The following TCERG1 variants were observed in gnomAD, a reference collection of about 807,000 sequenced individuals.
TCERG1 encodes the protein TATA box binding protein (TBP)-associated factor, RNA polymerase II, S, 150kD.
A neutral mutation model predicts 144.7 loss-of-function variants in TCERG1; 37 were observed. The observed-to-expected ratio is 0.26, with a 90% CI of 0.20 to 0.34. The LOEUF (loss-of-function observed/expected upper bound fraction) is 0.34. Ranked by LOEUF, TCERG1 falls within the 10% of genes least tolerant of loss-of-function variation. TCERG1 has a pLI of 1.00. For missense variants in TCERG1, 1,027 were observed against 1,380.7 expected, an observed-to-expected ratio of 0.74 and a Z score of 4.06; for synonymous variants, 492 against 458.2, an observed-to-expected ratio of 1.07 and a Z score of -0.94.
At chr5:146,468,303 G>A in intron 5 of TCERG1, 38 bp from the exon 6 acceptor site, 1 of 1,480,146 alleles carries the variant, frequency 6.8e-7, no homozygotes, top group Non-Finnish European at 9.1e-7. Context: ...ACATACAATG[G>A]CAGCTTTCCA....
chr5:146,491,123 T>C (rs1766370485), intron 15 of TCERG1, among the ~76,000 whole-genome samples: 2 of 152,030 alleles, frequency 1.3e-5, no homozygotes, highest in Non-Finnish European at 2.9e-5. Context: ...ACTACTTAAG[T>C]GAAGCACTAA....
chr5:146,459,366 A>G (rs772720489), intron 4 of TCERG1, 29 bp downstream of exon 4: 6 of 1,602,658 alleles, frequency 3.7e-6, no homozygotes, highest in South Asian at 3.4e-5. Flanking sequence ...GTGTTTTTAT[A>G]TAGGGGCTAG....
At chr5:146,465,817 AG>A (rs1032996085) in intron 5 of TCERG1, among the ~76,000 whole-genome samples, 10 of 152,084 alleles carry the variant, frequency 6.6e-5, no homozygotes, top group African/African-American at 2.4e-4. Context: ...GGATCAGCTG[AG>A]GTCAGGAGTT....
In TCERG1 at chr5:146,481,184, C is replaced by T. The variant is rs1263590634; in HGVS notation, c.1921C>T (p.Arg641Ter). 9.1e-6 allele frequency: 9 copies of T among 985,024 alleles called. No homozygotes were observed. Among genetic ancestry groups the T allele is most frequent in the African/African-American group, 1.7e-5 (1 of 57,182 alleles). 61.0% of individuals were successfully genotyped at this position (985,024 alleles called of 1,614,324 possible). A position where few individuals can be genotyped will look rare whatever the true frequency, so the allele number is the denominator to read the frequency against. ...AAAGAAGTCCTTTATGTGGATTGCC[C>T]GAGCTTCTCTATTTAGGTACAAAGC... is the stretch of plus-strand genomic sequence containing the variant. The part of the protein sequence containing the change: ...MSKKSFMWIA[R>*]ASLFRRDDNK... Residue 641 changes from arginine (R) to a stop codon, truncating the protein, a stop_gained, in exon 13 of 23, where the codon CGA (arginine) becomes TGA (stop). Transcript: ENST00000679501. LOFTEE classifies it high-confidence loss of function.
chr5:146,510,420 G>T (rs751253300), intron 22 of TCERG1, 21 bp from the exon 23 acceptor site: 8 of 1,582,834 alleles, frequency 5.1e-6, no homozygotes, highest in Non-Finnish European at 6.9e-6. Context: ...GTAATTCTTG[G>T]ACTTCTTTTT....
In TCERG1 at chr5:146,455,079, G is replaced by A; in HGVS notation, c.83G>A (p.Arg28Lys). 1 of 1,614,220 alleles carries A rather than the reference G, an allele frequency of 6.2e-7. No individual in the cohort carries two copies. Among genetic ancestry groups the A allele is most frequent in the Non-Finnish European group, 8.5e-7 (1 of 1,180,036 alleles). ...AGGATGGCCCAACAGCAGGCCTTGAGGTTCCGAGGTCCGGCTCCCCCACCA... is the reference window on the plus strand; with the variant it reads ...AGGATGGCCCAACAGCAGGCCTTGAAGTTCCGAGGTCCGGCTCCCCCACCA... Reference protein sequence around the residue: ...ELRMAQQQALRFRGPAPPPNA... With the variant: ...ELRMAQQQALKFRGPAPPPNA... Residue 28 changes from arginine to lysine, a missense_variant, in exon 2 of 23, where the codon AGG becomes AAG. Arg to Lys is a conservative substitution (Grantham distance 26, BLOSUM62 2). This residue lies in a region of TCERG1 where 175 missense variants were observed against 197.0 expected (regional missense o/e 0.89). Transcript: ENST00000679501.
chr5:146,492,225 A>G (rs1766496432), intron 15 of TCERG1, among the ~76,000 whole-genome samples: 1 of 151,942 alleles, frequency 6.6e-6, no homozygotes, highest in Non-Finnish European at 1.5e-5. Flanking sequence ...GTTTGAGGAG[A>G]TTCTGGTTTC....
At position 146,455,155 on chromosome 5, in the gene TCERG1, T is replaced by C; in HGVS notation, c.159T>C (p.Phe53=). ...CTCTGATGCGACCTCCTCCACCTTT[T>C]GGTATGATGCGAGGCCCTCCTCCAC... The part of the protein sequence containing the change: ...PPPLMRPPPP[F]GMMRGPPPPP... The change falls in exon 2 of 23, where the codon TTT becomes TTC. Residue 53 remains phenylalanine (F), a synonymous_variant. Coordinates refer to ENST00000679501, the MANE Select transcript of TCERG1 (RefSeq NM_001382548.1). 2 of 1,614,212 alleles carry C rather than the reference T, an allele frequency of 1.2e-6. No individual in the cohort carries two copies. The highest frequency in any genetic ancestry group is 1.7e-6 in the Non-Finnish European group (2 of 1,180,026).
At chr5:146,453,940 A>G (rs1296972184) in intron 1 of TCERG1, among the ~76,000 whole-genome samples, 3 of 151,564 alleles carry the variant, frequency 2.0e-5, no homozygotes, top group Non-Finnish European at 1.5e-5. Context: ...GCTCATGCCT[A>G]TAATCCTAGC....
At chr5:146,477,779 C>T (rs1468214737) in intron 9 of TCERG1, among the ~76,000 whole-genome samples, 3 of 148,132 alleles carry the variant, frequency 2.0e-5, no homozygotes, top group Admixed American at 1.4e-4. Flanking sequence ...CTTACTGCAG[C>T]CTTGACCTCC....
chr5:146,457,451 G>A (rs1762922854), intron 3 of TCERG1, 116 bp downstream of exon 3: 4 of 1,045,618 alleles, frequency 3.8e-6, no homozygotes, highest in Non-Finnish European at 5.4e-6. Flanking sequence ...TGGGTGAGCA[G>A]GGAATGGGGT....
intron 1 of TCERG1, 108 bp from the exon 2 acceptor site, chr5:146,454,948 C>G (rs1762699508): frequency 1.7e-6 from 2 of 1,205,826 alleles, no homozygotes; most frequent in Admixed American, 2.4e-5. Context: ...CTTTCCAACT[C>G]CACTTAGACT....
At chr5:146,459,930 G>GT (rs1356056026) in intron 4 of TCERG1, among the ~76,000 whole-genome samples, 1 of 151,912 alleles carries the variant, frequency 6.6e-6, no homozygotes, top group Non-Finnish European at 1.5e-5. Context: ...GTGAGAGGGT[G>GT]TTTTTTTTGA....
At chr5:146,498,097 C>CT (rs1158140277) in intron 16 of TCERG1, among the ~76,000 whole-genome samples, 1 of 152,122 alleles carries the variant, frequency 6.6e-6, no homozygotes, top group Non-Finnish European at 1.5e-5. Context: ...CAGTCTTACT[C>CT]TTTCTGTTGT....
rs1768412417 is a variant in TCERG1, at chr5:146,510,934, C to T, written c.*292C>T. ...TGGAAGTCAGTGACTTGGTGACGTT[C>T]TTCCTAGCAGTGTTAATACATGCAA... On this transcript the variant is annotated 3_prime_UTR_variant, in exon 23 of 23. Coordinates refer to ENST00000679501, the MANE Select transcript of TCERG1 (RefSeq NM_001382548.1). The T allele has an allele frequency of 4.4e-6, 1 of 224,860 alleles. No homozygotes were observed. The highest frequency in any genetic ancestry group is 8.7e-6 in the Non-Finnish European group (1 of 115,472). 13.9% of individuals were successfully genotyped at this position (224,860 alleles called of 1,614,324 possible). A position where few individuals can be genotyped will look rare whatever the true frequency, so the allele number is the denominator to read the frequency against.
At position 146,482,576 on chromosome 5, in the gene TCERG1, A is replaced by C. The variant is rs779703246; in HGVS notation, c.1938-16A>C. ...AATATTTTGTCAGTTGATGTCTTAT[A>C]TTTTATTTTTTATAGGAGAGACGAT... On this transcript the variant is annotated splice_polypyrimidine_tract_variant and intron_variant, in intron 13 of 22. Transcript: ENST00000679501. 1 of 1,589,188 alleles carries C rather than the reference A, an allele frequency of 6.3e-7. No individual in the cohort carries two copies. Among genetic ancestry groups the C allele is most frequent in the East Asian group, 2.2e-5 (1 of 44,470 alleles).
At chr5:146,489,350 T>TA (rs1766174431) in intron 15 of TCERG1, among the ~76,000 whole-genome samples, 2 of 152,086 alleles carry the variant, frequency 1.3e-5, no homozygotes, top group Admixed American at 6.5e-5. Flanking sequence ...ATTTGTCAAT[T>TA]AAAAAAATCC....
At chr5:146,468,686 ATTTAAT>A (rs1764006874) in intron 6 of TCERG1, among the ~76,000 whole-genome samples, 1 of 152,134 alleles carries the variant, frequency 6.6e-6, no homozygotes, top group Admixed American at 6.5e-5. Flanking sequence ...TATTCATAAC[ATTTAAT>A]TTTATTTTTG....
chr5:146,476,010 GT>G (rs560938801), intron 9 of TCERG1, among the ~76,000 whole-genome samples: 1 of 151,070 alleles, frequency 6.6e-6, no homozygotes. Context: ...AACTTTTTAG[GT>G]TTTTTTTTGT....
Sources: gnomAD v4.1 joint callset for allele counts (sites outside exome capture counted in the v4.1 genomes callset) on GRCh38, gnomAD v4.1.1 for gene constraint, gnomAD v4.1.1 regional missense constraint, MANE v1.5 for transcripts, NCBI Gene and HGNC (gene_info 2026-07-23, HGNC 2026-07-21) for gene names.